Variants in ACTR3B observed in about 807,000 individuals in gnomAD.
ACTR3B encodes the protein actin related protein 3B.
ACTR3B carries 8 observed loss-of-function variants against 59.0 expected under a neutral mutation model. That is an observed-to-expected ratio of 0.14 (90% confidence interval 0.08 to 0.24). The LOEUF is 0.24. Among genes scored for constraint, ACTR3B ranks in the 10% least tolerant of loss-of-function variants. The pLI, the probability that ACTR3B is intolerant of heterozygous loss-of-function variation, is 1.00. For synonymous variants in ACTR3B, 148 were observed against 197.9 expected, an observed-to-expected ratio of 0.75 and a Z score of 2.12; for missense variants, 245 against 552.3, an observed-to-expected ratio of 0.44 and a Z score of 5.58.
intron 2 of ACTR3B, among the ~76,000 whole-genome samples, chr7:152,791,309 G>A (rs1383718337): frequency 1.3e-5 from 2 of 152,084 alleles, no homozygotes; most frequent in Non-Finnish European, 1.5e-5. Flanking sequence ...CCGGCCCATT[G>A]TTCTTTATTA....
intron 2 of ACTR3B, among the ~76,000 whole-genome samples, chr7:152,794,367 A>G (rs1413457859): frequency 6.6e-6 from 1 of 151,978 alleles, no homozygotes; most frequent in Non-Finnish European, 1.5e-5. Context: ...ACAGGTGCGC[A>G]CCACCATGCC....
At chr7:152,828,406 G>A (rs1034539944) in intron 9 of ACTR3B, among the ~76,000 whole-genome samples, 5 of 152,188 alleles carry the variant, frequency 3.3e-5, no homozygotes, top group Admixed American at 1.3e-4. Context: ...CAGAAGCAGC[G>A]TCTGAGCAGT....
At chr7:152,777,516 C>A (rs2098139021) in intron 1 of ACTR3B, among the ~76,000 whole-genome samples, 1 of 151,878 alleles carries the variant, frequency 6.6e-6, no homozygotes, top group South Asian at 2.1e-4. Context: ...ATGTTTTCAT[C>A]CATTATATGT....
Position 152,775,084 on chromosome 7 carries a change from C to T in ACTR3B, c.45-8103C>T, listed in dbSNP as rs571033123. Reference sequence around the variant, plus strand: ...TCGTGCACCTATAGTCTTGGCCACTCAGGAAGTTGAGGCAGATGATTGCTT... The same window carrying T: ...TCGTGCACCTATAGTCTTGGCCACTTAGGAAGTTGAGGCAGATGATTGCTT... On this transcript the variant is annotated intron_variant, in intron 1 of 11. Transcript: ENST00000256001. 1.2e-3 allele frequency among the ~76,000 whole-genome samples: 174 copies of T among 148,114 alleles called. 1 individual carries two copies. Among genetic ancestry groups the T allele is most frequent in the South Asian group, 7.2e-3 (34 of 4,734 alleles).
At chr7:152,764,840 G>T (rs1045218577) in intron 1 of ACTR3B, among the ~76,000 whole-genome samples, 1 of 152,062 alleles carries the variant, frequency 6.6e-6, no homozygotes, top group Non-Finnish European at 1.5e-5. Context: ...GTGTCTTACA[G>T]ACTCACCAAT....
At chr7:152,771,377 C>G (rs1590203350) in intron 1 of ACTR3B, among the ~76,000 whole-genome samples, 1 of 152,292 alleles carries the variant, frequency 6.6e-6, no homozygotes, top group African/African-American at 2.4e-5. Flanking sequence ...ACATGGAGGT[C>G]AGCTGACATC....
intron 1 of ACTR3B, 137 bp downstream of exon 1, chr7:152,760,063 G>A (rs1338961024): frequency 2.8e-6 from 2 of 716,724 alleles, no homozygotes; most frequent in Non-Finnish European, 3.8e-6. Context: ...GTGGGGCGCC[G>A]GCCGCCGCTT....
At chr7:152,762,889 T>A (rs1324490188) in intron 1 of ACTR3B, among the ~76,000 whole-genome samples, 1 of 152,226 alleles carries the variant, frequency 6.6e-6, no homozygotes, top group Non-Finnish European at 1.5e-5. Context: ...CTGTTGATCC[T>A]TCTTAGTGCA....
intron 4 of ACTR3B, among the ~76,000 whole-genome samples, chr7:152,802,853 A>G (rs2689439): frequency 6.6e-6 from 1 of 152,350 alleles, no homozygotes; most frequent in African/African-American, 2.4e-5. Flanking sequence ...CTAATAGTTA[A>G]TGGAATAACT....
chr7:152,838,016 C>T (rs192892524), intron 9 of ACTR3B, among the ~76,000 whole-genome samples: 2 of 152,304 alleles, frequency 1.3e-5, no homozygotes, highest in Admixed American at 6.5e-5. Flanking sequence ...AGTGTTAAGA[C>T]GAGAAAGGTT....
intron 9 of ACTR3B, among the ~76,000 whole-genome samples, 196 bp downstream of exon 9, chr7:152,825,318 T>G (rs527877319): frequency 2.2e-4 from 33 of 152,234 alleles, no homozygotes; most frequent in South Asian, 1.0e-3. Flanking sequence ...TATTTTATTT[T>G]ATTTTATTTT....
At chr7:152,847,898 G>A (rs570147610) in intron 9 of ACTR3B, among the ~76,000 whole-genome samples, 266 of 152,260 alleles carry the variant, frequency 1.7e-3, no homozygotes, top group African/African-American at 5.9e-3. Context: ...ATAATGATGC[G>A]CGTTTCTTCC....
chr7:152,837,046 T>G (rs1464474561), intron 9 of ACTR3B, among the ~76,000 whole-genome samples: 1 of 152,206 alleles, frequency 6.6e-6, no homozygotes, highest in African/African-American at 2.4e-5. Flanking sequence ...TATGGTGGCA[T>G]GCACCTGTAG....
chr7:152,840,362 C>T (rs1563149746), intron 9 of ACTR3B, among the ~76,000 whole-genome samples: 1 of 152,068 alleles, frequency 6.6e-6, no homozygotes, highest in African/African-American at 2.4e-5. Context: ...GCCGTCCTGC[C>T]TTCCCTGGGC....
At chr7:152,812,525 T>A (rs1331194491) in intron 4 of ACTR3B, 1 of 140,756 alleles carries the variant, frequency 7.1e-6, no homozygotes, top group East Asian at 2.3e-4. Flanking sequence ...CTCCTTAGTA[T>A]TTTATTTTAT....
intron 1 of ACTR3B, among the ~76,000 whole-genome samples, chr7:152,781,057 G>T (rs1384102973): frequency 1.3e-5 from 2 of 151,950 alleles, no homozygotes; most frequent in African/African-American, 4.8e-5. Flanking sequence ...GCTGGGATTT[G>T]AACTCAGTGT....
chr7:152,837,148 C>T (rs1163117958), intron 9 of ACTR3B, among the ~76,000 whole-genome samples: 1 of 152,160 alleles, frequency 6.6e-6, no homozygotes, highest in Non-Finnish European at 1.5e-5. Flanking sequence ...TGCAGTCCCG[C>T]CTGGGTGACA....
chr7:152,790,683 CT>C (rs1348351159), intron 2 of ACTR3B, among the ~76,000 whole-genome samples: 6 of 151,836 alleles, frequency 4.0e-5, no homozygotes, highest in Non-Finnish European at 8.8e-5. Flanking sequence ...TGTTAGCTTT[CT>C]TTTTTTATTC....
intron 2 of ACTR3B, among the ~76,000 whole-genome samples, chr7:152,795,749 A>G (rs1379422613): frequency 1.3e-5 from 2 of 152,038 alleles, no homozygotes; most frequent in African/African-American, 2.4e-5. Context: ...TTGTCTGGCC[A>G]TCTTATTTTT....
Sources: allele counts gnomAD v4.1 joint callset (sites outside exome capture counted in the v4.1 genomes callset), GRCh38; gene constraint gnomAD v4.1.1; transcripts MANE v1.5; gene names NCBI Gene and HGNC (gene_info 2026-07-23, HGNC 2026-07-21).